The following PRMT8 variants were observed in gnomAD, a reference collection of about 807,000 sequenced individuals.
PRMT8 encodes the protein protein arginine N-methyltransferase 8.
In PRMT8, 7 loss-of-function variants were observed where a neutral mutation model predicts 47.1. The observed-to-expected ratio is 0.15, with a 90% CI of 0.08 to 0.28. PRMT8 has a LOEUF of 0.28. Among genes scored for constraint, PRMT8 ranks in the 10% least tolerant of loss-of-function variants. The pLI is 1.00. For synonymous variants in PRMT8, 188 were observed against 186.5 expected, an observed-to-expected ratio of 1.01 and a Z score of -0.07; for missense variants, 237 against 505.4, an observed-to-expected ratio of 0.47 and a Z score of 5.09.
intron 6 of PRMT8, among the ~76,000 whole-genome samples, chr12:3,574,795 G>A (rs976753307): frequency 5.9e-5 from 9 of 152,202 alleles, no homozygotes; most frequent in African/African-American, 2.2e-4. Flanking sequence ...CAAAGCCTAG[G>A]CCTTTAACCA....
rs112596954 is a variant in PRMT8 at position 3,543,557 on chromosome 12, A to T, written c.261+2766A>T. Reference sequence around the variant, plus strand: ...CCCACCGGCCTGCTGATTAATAGCCATCAGTGAGTGTTGAGGAAACGTGGT... The same window carrying T: ...CCCACCGGCCTGCTGATTAATAGCCTTCAGTGAGTGTTGAGGAAACGTGGT... On this transcript the variant is annotated intron_variant, in intron 2 of 9. Transcript: ENST00000382622. Among the ~76,000 whole-genome samples the T allele has an allele frequency of 1.2e-3, 188 of 152,364 alleles. 1 individual carries two copies. The highest frequency in any genetic ancestry group is 4.1e-3 in the African/African-American group (172 of 41,590).
At chr12:3,418,881 T>C in intron 1 of PRMT8, among the ~76,000 whole-genome samples, 1 of 152,032 alleles carries the variant, frequency 6.6e-6, no homozygotes, top group East Asian at 1.9e-4. Context: ...TGAAGTGGCA[T>C]GGAAGATGGA....
intron 1 of PRMT8, among the ~76,000 whole-genome samples, chr12:3,467,415 G>A (rs1865111942): frequency 6.6e-6 from 1 of 152,118 alleles, no homozygotes; most frequent in Non-Finnish European, 1.5e-5. Context: ...TCTGGAGCTT[G>A]GTCAGAGGCC....
At chr12:3,458,241 T>C (rs1479750041) in intron 1 of PRMT8, among the ~76,000 whole-genome samples, 1 of 152,228 alleles carries the variant, frequency 6.6e-6, no homozygotes, top group African/African-American at 2.4e-5. Context: ...TTAGAAAATA[T>C]GATGGTCACA....
chr12:3,535,306 CTTTA>C lies in PRMT8; in HGVS notation c.76-5293_76-5290del. Among the ~76,000 whole-genome samples the C allele has an allele frequency of 6.6e-6, 1 of 152,314 alleles. No homozygotes were observed. Among genetic ancestry groups the C allele is most frequent in the East Asian group, 1.9e-4 (1 of 5,186 alleles). ...GAGTGGGTAGACTAAGACAATCGCA[CTTTA>C]TTTATTAGGGAGAAAAACTGTGCTG... On this transcript the variant is annotated intron_variant, in intron 1 of 9. Transcript: ENST00000382622. The surrounding 1 kb of genome is among the most constrained non-coding windows in gnomAD (Gnocchi z 4.7).
chr12:3,381,580 AGTTCATAACAT>A, intron 1 of PRMT8: 1 of 771,014 alleles, frequency 1.3e-6, no homozygotes, highest in Non-Finnish European at 2.1e-6. Context: ...TCTGTTTCTA[AGTTCATAACAT>A]GCTGCTCTGG....
intron 1 of PRMT8, among the ~76,000 whole-genome samples, chr12:3,531,868 T>C (rs1866036540): frequency 6.6e-6 from 1 of 152,082 alleles, no homozygotes. Flanking sequence ...CTGGGAATCT[T>C]GGTTGGCTCT....
intron 1 of PRMT8, among the ~76,000 whole-genome samples, chr12:3,428,603 C>T (rs980423554): frequency 2.6e-5 from 4 of 151,962 alleles, no homozygotes; most frequent in Non-Finnish European, 4.4e-5. Flanking sequence ...ATCAATTATA[C>T]GTTTTAAATT....
At chr12:3,519,525 T>G (rs1865848836) in intron 1 of PRMT8, among the ~76,000 whole-genome samples, 1 of 152,080 alleles carries the variant, frequency 6.6e-6, no homozygotes, top group Non-Finnish European at 1.5e-5. Flanking sequence ...ATCAGGCTGT[T>G]TGAGGAACAG....
chr12:3,428,010 T>C (rs1426407977), intron 1 of PRMT8, among the ~76,000 whole-genome samples: 1 of 152,226 alleles, frequency 6.6e-6, no homozygotes, highest in Non-Finnish European at 1.5e-5. Context: ...CAATTATCCT[T>C]TGCTGTTAAT....
intron 1 of PRMT8, among the ~76,000 whole-genome samples, chr12:3,401,876 A>G (rs1864321111): frequency 6.6e-6 from 1 of 152,258 alleles, no homozygotes; most frequent in Admixed American, 6.5e-5. Context: ...GGATAGGAGG[A>G]ATCAATATCG....
chr12:3,451,053 C>A (rs934097370), intron 1 of PRMT8, among the ~76,000 whole-genome samples: 23 of 65,462 alleles, frequency 3.5e-4, no homozygotes, highest in South Asian at 8.9e-4. Context: ...CCCCCCCCCC[C>A]CCGCCGAAAG....
At chr12:3,443,390 C>T (rs1004410522) in intron 1 of PRMT8, among the ~76,000 whole-genome samples, 1 of 152,222 alleles carries the variant, frequency 6.6e-6, no homozygotes, top group Non-Finnish European at 1.5e-5. Flanking sequence ...TTAATGGCCC[C>T]ACCATTTGCC....
At chr12:3,536,352 GA>G (rs1866117892) in intron 1 of PRMT8, among the ~76,000 whole-genome samples, 1 of 152,200 alleles carries the variant, frequency 6.6e-6, no homozygotes, top group African/African-American at 2.4e-5. Context: ...TGTGGCTATT[GA>G]AATGAATGCC....
chr12:3,583,195 G>C lies in PRMT8; in HGVS notation c.966G>C (p.Met322Ile). The C allele has an allele frequency of 6.2e-7, 1 of 1,612,312 alleles. No homozygotes were observed. ...AATTTACCAAGTGCCACAAGAAAAT[G>C]GGGTTTTCCACAGGTGAGCTGTTTG... ...NIEFTKCHKK[M>I]GFSTAPDAPY... is the part of the protein sequence containing the mutation. The change falls in exon 8 of 10, where the codon ATG becomes ATC. Residue 322 changes from methionine (M) to isoleucine (I), a missense_variant. By Grantham distance (10) the Met-to-Ile change is conservative (BLOSUM62 1). This residue lies in a region of PRMT8 where 151 missense variants were observed against 341.1 expected (regional missense o/e 0.44). Coordinates refer to ENST00000382622, the MANE Select transcript of PRMT8 (RefSeq NM_019854.5). The surrounding 1 kb of genome is among the most constrained non-coding windows in gnomAD (Gnocchi z 4.7).
intron 1 of PRMT8, among the ~76,000 whole-genome samples, chr12:3,413,882 G>A (rs573293081): frequency 1.3e-5 from 2 of 152,192 alleles, no homozygotes; most frequent in African/African-American, 4.8e-5. Context: ...GGGAAGATGT[G>A]TATAGGTTAT....
intron 1 of PRMT8, among the ~76,000 whole-genome samples, chr12:3,530,025 G>A (rs746076215): frequency 8.5e-5 from 13 of 152,212 alleles, no homozygotes; most frequent in Non-Finnish European, 1.6e-4. Flanking sequence ...TGCATTCTAT[G>A]TTTGCAAGAT....
intron 1 of PRMT8, among the ~76,000 whole-genome samples, chr12:3,475,171 AC>A (rs913556743): frequency 6.6e-6 from 1 of 152,134 alleles, no homozygotes; most frequent in Non-Finnish European, 1.5e-5. Context: ...CCTAGTGCAA[AC>A]CAAACCCAGT....
In PRMT8 at chr12:3,566,631, G is replaced by A. The variant is rs1866725274; in HGVS notation, c.482-2075G>A. On this transcript the variant is annotated intron_variant, in intron 4 of 9. Coordinates refer to ENST00000382622, the MANE Select transcript of PRMT8 (RefSeq NM_019854.5). The surrounding 1 kb of genome is among the most constrained non-coding windows in gnomAD (Gnocchi z 4.7). ...CTCCATCACCTGCATTATTCACTGTGAAGAAACTAAATAAAGCCAGCAAAC... is the reference window on the plus strand; with the variant it reads ...CTCCATCACCTGCATTATTCACTGTAAAGAAACTAAATAAAGCCAGCAAAC... 6.6e-6 allele frequency among the ~76,000 whole-genome samples: 1 copy of A among 152,196 alleles called. No homozygotes were observed. The highest frequency in any genetic ancestry group is 6.5e-5 in the Admixed American group (1 of 15,292).
Sources: allele counts gnomAD v4.1 joint callset (sites outside exome capture counted in the v4.1 genomes callset), GRCh38; gene constraint gnomAD v4.1.1; regional missense constraint gnomAD v4.1.1; non-coding constraint Gnocchi (gnomAD v3.1); transcripts MANE v1.5; gene names NCBI Gene and HGNC (gene_info 2026-07-23, HGNC 2026-07-21).